The following PRUNE2 variants were observed in gnomAD, a reference collection of about 807,000 sequenced individuals.
PRUNE2 encodes the protein prune homolog 2 with BCH domain, also known as protein prune homolog 2.
In PRUNE2, 164 loss-of-function variants were observed where a neutral mutation model predicts 252.0. The ratio of observed to expected loss-of-function variants is 0.65; its 90% CI spans 0.57 to 0.74. The LOEUF is 0.74. Ranked by LOEUF, PRUNE2 falls within the 30% of genes least tolerant of loss-of-function variation. PRUNE2 has a pLI of 0.00. For missense variants in PRUNE2, 3,495 were observed against 3,711.0 expected (o/e 0.94, Z 1.51); for synonymous variants, 1,292 against 1,350.2 (o/e 0.96, Z 0.94).
At chr9:76,640,356 A>G (rs553936697) in intron 12 of PRUNE2, among the ~76,000 whole-genome samples, 2 of 152,346 alleles carry the variant, frequency 1.3e-5, no homozygotes, top group South Asian at 4.1e-4. Flanking sequence ...ATGGGGGAAG[A>G]GAGCAAAACT....
chr9:76,880,574 T>A (rs919497427), intron 1 of PRUNE2, among the ~76,000 whole-genome samples: 3 of 152,226 alleles, frequency 2.0e-5, no homozygotes, highest in African/African-American at 4.8e-5. Context: ...ACTTGTGAAT[T>A]TCCTCAATGA....
At chr9:76,752,491 C>T (rs531430389) in intron 6 of PRUNE2, among the ~76,000 whole-genome samples, 1 of 152,170 alleles carries the variant, frequency 6.6e-6, no homozygotes, top group Non-Finnish European at 1.5e-5. Flanking sequence ...CTCATGACCA[C>T]ATGAGATGTT....
intron 12 of PRUNE2, chr9:76,642,000 G>GAAA (rs1391167785): frequency 2.8e-6 from 2 of 714,392 alleles, no homozygotes; most frequent in African/African-American, 5.5e-5. Flanking sequence ...AATAAGAGAA[G>GAAA]TAAAAAAAAA....
At chr9:76,818,689 G>A (rs1393846252) in intron 6 of PRUNE2, among the ~76,000 whole-genome samples, 4 of 152,168 alleles carry the variant, frequency 2.6e-5, no homozygotes. Context: ...ACAGCTGAAA[G>A]TCCTCACCGT....
At position 76,710,064 on chromosome 9, in the gene PRUNE2, C is replaced by G. The variant is rs2046607115; in HGVS notation, c.2210G>C (p.Ser737Thr). ...CATGGGCAGGTTCTGGAACGGCAAG[C>G]TTTCCTCATTTTTGTCTTGAATATC... ...SNDIQDKNEE[S>T]LPFQNLPMEK... The change falls in exon 8 of 19, where the codon AGC becomes ACC. Residue 737 changes from serine to threonine, a missense_variant. Coordinates refer to ENST00000376718, the MANE Select transcript of PRUNE2 (RefSeq NM_015225.3). The G allele has an allele frequency of 1.2e-6, 2 of 1,613,804 alleles. No individual in the cohort carries two copies. Among genetic ancestry groups the G allele is most frequent in the African/African-American group, 2.7e-5 (2 of 74,904 alleles).
At chr9:76,868,624 G>A (rs572816231) in intron 1 of PRUNE2, among the ~76,000 whole-genome samples, 1 of 151,944 alleles carries the variant, frequency 6.6e-6, no homozygotes, top group Non-Finnish European at 1.5e-5. Context: ...TTCTGCCCAG[G>A]GCAACAGCCA....
chr9:76,731,647 T>A (rs1332584651), intron 6 of PRUNE2, among the ~76,000 whole-genome samples: 1 of 152,046 alleles, frequency 6.6e-6, no homozygotes, highest in Non-Finnish European at 1.5e-5. Flanking sequence ...TTTTTTAAAC[T>A]TACAAAACAA....
chr9:76,715,492 T>C (rs2047071742), intron 6 of PRUNE2, among the ~76,000 whole-genome samples: 1 of 152,200 alleles, frequency 6.6e-6, no homozygotes, highest in Non-Finnish European at 1.5e-5. Context: ...TGCAAGGAAT[T>C]GCACATACGA....
At chr9:76,905,833 T>C in intron 1 of PRUNE2, 95 bp downstream of exon 1, 1 of 1,516,932 alleles carries the variant, frequency 6.6e-7, no homozygotes, top group Non-Finnish European at 9.2e-7. Context: ...GTGGCAAAGT[T>C]GTTTCTTCCT....
intron 1 of PRUNE2, among the ~76,000 whole-genome samples, chr9:76,894,267 T>C (rs1310534525): frequency 1.3e-5 from 2 of 152,180 alleles, no homozygotes; most frequent in Non-Finnish European, 2.9e-5. Context: ...CTGTAGCCAA[T>C]GAAGGATGAG....
At chr9:76,809,902 G>A (rs2057239421) in intron 6 of PRUNE2, among the ~76,000 whole-genome samples, 1 of 152,232 alleles carries the variant, frequency 6.6e-6, no homozygotes, top group South Asian at 2.1e-4. Context: ...CAACCCTGGT[G>A]TCCCAAGGAC....
chr9:76,688,052 T>C (rs2044287594), intron 9 of PRUNE2, among the ~76,000 whole-genome samples: 1 of 152,254 alleles, frequency 6.6e-6, no homozygotes, highest in African/African-American at 2.4e-5. Context: ...CATTCTGTTC[T>C]TGCAACCTAT....
intron 11 of PRUNE2, among the ~76,000 whole-genome samples, chr9:76,646,931 G>A (rs1845128634): frequency 6.6e-6 from 1 of 152,164 alleles, no homozygotes; most frequent in African/African-American, 2.4e-5. Context: ...GCTCAAGCCT[G>A]TAATCCCAGC....
At chr9:76,743,240 T>C (rs1329219472) in intron 6 of PRUNE2, among the ~76,000 whole-genome samples, 1 of 152,214 alleles carries the variant, frequency 6.6e-6, no homozygotes, top group Non-Finnish European at 1.5e-5. Flanking sequence ...GGCATTTCTC[T>C]ATAGCAGCAT....
At chr9:76,807,116 T>C (rs2057019659) in intron 6 of PRUNE2, among the ~76,000 whole-genome samples, 1 of 151,104 alleles carries the variant, frequency 6.6e-6, no homozygotes, top group Non-Finnish European at 1.5e-5. Flanking sequence ...CAGGGTGGAG[T>C]GCTGGAGTGC....
At chr9:76,817,029 T>C (rs549735419) in intron 6 of PRUNE2, among the ~76,000 whole-genome samples, 2 of 152,334 alleles carry the variant, frequency 1.3e-5, no homozygotes, top group Non-Finnish European at 2.9e-5. Flanking sequence ...ATTATGTTTA[T>C]AGTTCAAAAA....
intron 1 of PRUNE2, among the ~76,000 whole-genome samples, chr9:76,878,139 G>A (rs1023097062): frequency 1.3e-5 from 2 of 152,186 alleles, no homozygotes; most frequent in Non-Finnish European, 1.5e-5. Flanking sequence ...CCACTGCAGA[G>A]TCAAGGTATT....
In PRUNE2 at chr9:76,767,820, G is replaced by C. The variant is rs530644163; in HGVS notation, c.757-54099C>G. ...GCACACTGGCTCCTATCTTCTATCCGAACACTGTCCTTTTCGGTGTTTTCA... is the reference window on the plus strand; with the variant it reads ...GCACACTGGCTCCTATCTTCTATCCCAACACTGTCCTTTTCGGTGTTTTCA... On this transcript the variant is annotated intron_variant, in intron 6 of 18. Transcript: ENST00000376718. Among the ~76,000 whole-genome samples the C allele has an allele frequency of 3.9e-5, 6 of 152,256 alleles. No individual in the cohort carries two copies. The South Asian group carries it at 1.2e-3, about 32-fold the overall frequency.
intron 1 of PRUNE2, among the ~76,000 whole-genome samples, chr9:76,891,007 T>C (rs1056509735): frequency 6.6e-6 from 1 of 152,252 alleles, no homozygotes; most frequent in African/African-American, 2.4e-5. Flanking sequence ...TTTGCGCATA[T>C]TGGCTTTAGC....
Sources: gnomAD v4.1 joint callset for allele counts (sites outside exome capture counted in the v4.1 genomes callset) on GRCh38, gnomAD v4.1.1 for gene constraint, MANE v1.5 for transcripts, NCBI Gene and HGNC (gene_info 2026-07-23, HGNC 2026-07-21) for gene names.